Variants in GABRG1 observed in about 807,000 individuals in gnomAD.
GABRG1 encodes gamma-aminobutyric acid receptor subunit gamma-1.
In GABRG1, 49 loss-of-function variants were observed where a neutral mutation model predicts 49.8. That is an observed-to-expected ratio of 0.98 (90% confidence interval 0.78 to 1.25). The LOEUF (loss-of-function observed/expected upper bound fraction) is 1.25, where lower values mean the gene tolerates loss of function less well. Ranked by LOEUF, GABRG1 falls within the 50% of genes most tolerant of loss-of-function variation. GABRG1 has a pLI of 0.00. For missense variants in GABRG1, 552 were observed against 552.3 expected (o/e 1.00, Z 0.01); for synonymous variants, 232 against 185.1 (o/e 1.25, Z -2.06).
At chr4:46,119,202 G>C (rs1213814881) in intron 1 of GABRG1, among the ~76,000 whole-genome samples, 3 of 151,162 alleles carry the variant, frequency 2.0e-5, no homozygotes. Context: ...GTGTGTGATA[G>C]GTACAAAGTA....
At chr4:46,051,049 T>C (rs1419759937) in intron 8 of GABRG1, among the ~76,000 whole-genome samples, 4 of 151,958 alleles carry the variant, frequency 2.6e-5, no homozygotes, top group Non-Finnish European at 4.4e-5. Flanking sequence ...TTAAACACAG[T>C]TGGACACTAC....
At chr4:46,098,336 C>A (rs1030378863) in intron 1 of GABRG1, among the ~76,000 whole-genome samples, 4 of 151,654 alleles carry the variant, frequency 2.6e-5, no homozygotes, top group Non-Finnish European at 5.9e-5. Flanking sequence ...AACAACACAC[C>A]CATTTTAGGA....
In GABRG1 at chr4:46,123,824, C is replaced by T. The variant is rs1445334071; in HGVS notation, c.90G>A (p.Leu30=). ...AATTTACTCACCAGTTTCCCAAATG[C>T]AGGGTCAGTAACAAGAAGACCAACC... ...GVRLVFLLLT[L]HLGNCVDKAD... is the part of the protein sequence containing the mutation. The change falls in exon 1 of 9, where the codon CTG becomes CTA. Residue 30 remains leucine (L), a synonymous_variant. Coordinates refer to ENST00000295452, the MANE Select transcript of GABRG1 (RefSeq NM_173536.4). 5 of 1,612,892 alleles carry T rather than the reference C, an allele frequency of 3.1e-6. No individual in the cohort carries two copies. Among genetic ancestry groups the T allele is most frequent in the Non-Finnish European group, 3.4e-6 (4 of 1,179,212 alleles).
intron 1 of GABRG1, among the ~76,000 whole-genome samples, chr4:46,118,884 G>A (rs1264290403): frequency 6.6e-6 from 1 of 151,228 alleles, no homozygotes; most frequent in Non-Finnish European, 1.5e-5. Context: ...AACATGTCTA[G>A]TGATAAGCTA....
intron 2 of GABRG1, among the ~76,000 whole-genome samples, chr4:46,090,813 A>G (rs1346528340): frequency 6.6e-6 from 1 of 151,900 alleles, no homozygotes; most frequent in Non-Finnish European, 1.5e-5. Flanking sequence ...TTGCTGTTTG[A>G]CAGCACAGCA....
chr4:46,082,166 G>T (rs1043289252), intron 3 of GABRG1, among the ~76,000 whole-genome samples: 1 of 151,678 alleles, frequency 6.6e-6, no homozygotes, highest in Non-Finnish European at 1.5e-5. Context: ...AAATAATGCT[G>T]GTTGCTCATA....
intron 2 of GABRG1, among the ~76,000 whole-genome samples, chr4:46,091,280 T>G (rs1017851998): frequency 6.6e-6 from 1 of 152,030 alleles, no homozygotes; most frequent in African/African-American, 2.4e-5. Flanking sequence ...AGTGATTTTC[T>G]TTACTCAACC....
chr4:46,068,577 G>A (rs1208735395), intron 3 of GABRG1, among the ~76,000 whole-genome samples: 1 of 152,050 alleles, frequency 6.6e-6, no homozygotes, highest in Non-Finnish European at 1.5e-5. Flanking sequence ...GAAAGACTCA[G>A]AGCATATGTC....
chr4:46,106,159 C>A (rs1720540322), intron 1 of GABRG1, among the ~76,000 whole-genome samples: 1 of 151,376 alleles, frequency 6.6e-6, no homozygotes, highest in Admixed American at 6.6e-5. Context: ...ACACCTGAGC[C>A]CCAAAAGGTT....
At chr4:46,087,488 A>C (rs1272639173) in intron 2 of GABRG1, among the ~76,000 whole-genome samples, 1 of 151,862 alleles carries the variant, frequency 6.6e-6, no homozygotes, top group African/African-American at 2.4e-5. Flanking sequence ...AAATTAAATA[A>C]CATTTAAAAA....
chr4:46,111,205 T>C (rs1246422295), intron 1 of GABRG1, among the ~76,000 whole-genome samples: 1 of 150,858 alleles, frequency 6.6e-6, no homozygotes, highest in African/African-American at 2.4e-5. Flanking sequence ...ACGAAAATAA[T>C]GTTCAATCTA....
chr4:46,065,696 G>A (rs895655309), intron 3 of GABRG1, 112 bp from the exon 4 acceptor site: 2 of 605,984 alleles, frequency 3.3e-6, no homozygotes, highest in Non-Finnish European at 5.7e-6. Flanking sequence ...GTTAAACTCA[G>A]TCTTTTCGGA....
In GABRG1 at chr4:46,058,567, C is replaced by T. The variant is rs758188912; in HGVS notation, c.681G>A (p.Val227=). The change falls in exon 6 of 9, where the codon GTG becomes GTA. Residue 227 remains valine (V), a synonymous_variant. Coordinates refer to ENST00000295452, the MANE Select transcript of GABRG1 (RefSeq NM_173536.4). The part of the protein sequence containing the change: ...EYKWKKPSVE[V]ADPKYWRLYQ... ...ATAATCTCCAGTATTTAGGATCAGC[C>T]ACTTCTACGGAGGGCTTTTTCCACT... 5.0e-6 allele frequency: 8 copies of T among 1,612,816 alleles called. No individual in the cohort carries two copies. The highest frequency in any genetic ancestry group is 5.9e-6 in the Non-Finnish European group (7 of 1,179,362).
rs1308436689 is a variant in GABRG1, at chr4:46,065,530, A to G, written c.376T>C (p.Phe126Leu). 1 of 1,603,776 alleles carries G rather than the reference A, an allele frequency of 6.2e-7. No individual in the cohort carries two copies. The highest frequency in any genetic ancestry group is 8.5e-7 in the Non-Finnish European group (1 of 1,171,284). ...ATAAGCACTTTCATGGTACTATTGA[A>G]TTTTAAACGACTGTCAAACCAGGTT... ...AQTWFDSRLK[F>L]NSTMKVLMLN... Residue 126 changes from phenylalanine to leucine, a missense_variant, in exon 4 of 9, where the codon TTC becomes CTC. Phe to Leu is a conservative substitution (Grantham distance 22). Coordinates refer to ENST00000295452, the MANE Select transcript of GABRG1 (RefSeq NM_173536.4).
chr4:46,111,977 A>G (rs901259867), intron 1 of GABRG1, among the ~76,000 whole-genome samples: 1 of 151,312 alleles, frequency 6.6e-6, no homozygotes, highest in African/African-American at 2.4e-5. Flanking sequence ...CAACAAAAAC[A>G]AAAATGGACA....
At chr4:46,053,623 TC>T (rs1718322301) in intron 7 of GABRG1, among the ~76,000 whole-genome samples, 1 of 151,970 alleles carries the variant, frequency 6.6e-6, no homozygotes, top group Non-Finnish European at 1.5e-5. Flanking sequence ...CAGGTAGGTT[TC>T]CAAAGTGTTT....
Position 46,040,155 on chromosome 4 carries a change from C to T in GABRG1, c.*833G>A, listed in dbSNP as rs935132096. ...CATAAAGAAAAAAATAATCATTTCTCTCTGCATTTAATTTGCATTAATGTG... is the reference window on the plus strand; with the variant it reads ...CATAAAGAAAAAAATAATCATTTCTTTCTGCATTTAATTTGCATTAATGTG... On this transcript the variant is annotated 3_prime_UTR_variant, in exon 9 of 9. Coordinates refer to ENST00000295452, the MANE Select transcript of GABRG1 (RefSeq NM_173536.4). 6.6e-6 allele frequency: 1 copy of T among 151,886 alleles called. No homozygotes were observed. The highest frequency in any genetic ancestry group is 2.4e-5 in the African/African-American group (1 of 41,430). The allele number at this position is 151,886 out of a possible 1,614,324, so 9.4% of individuals were successfully genotyped here. A position where few individuals can be genotyped will look rare whatever the true frequency, so the allele number is the denominator to read the frequency against.
At chr4:46,076,132 T>C (rs1415883140) in intron 3 of GABRG1, among the ~76,000 whole-genome samples, 2 of 151,762 alleles carry the variant, frequency 1.3e-5, no homozygotes, top group Non-Finnish European at 2.9e-5. Flanking sequence ...TGAGAAAAAT[T>C]GTCTAGGACT....
intron 1 of GABRG1, among the ~76,000 whole-genome samples, chr4:46,099,677 C>A (rs1172776290): frequency 1.3e-5 from 2 of 151,640 alleles, no homozygotes; most frequent in Admixed American, 6.6e-5. Context: ...AAATCTCTGC[C>A]AAAACAATTC....
Sources: gnomAD v4.1 joint callset for allele counts (sites outside exome capture counted in the v4.1 genomes callset) on GRCh38, gnomAD v4.1.1 for gene constraint, MANE v1.5 for transcripts, NCBI Gene and HGNC (gene_info 2026-07-23, HGNC 2026-07-21) for gene names.